FGF1: variants seen among roughly 807,000 people sequenced by gnomAD.
FGF1 encodes the protein fibroblast growth factor 1.
In FGF1, 9 loss-of-function variants were observed where a neutral mutation model predicts 13.4. The ratio of observed to expected loss-of-function variants is 0.67; its 90% CI spans 0.40 to 1.17. The LOEUF is 1.17. Among genes scored for constraint, FGF1 ranks in the 50% most tolerant of loss-of-function variants. The pLI is 0.01. For missense variants in FGF1, 156 were observed against 192.7 expected, an observed-to-expected ratio of 0.81 and a Z score of 1.13; for synonymous variants, 93 against 79.0, an observed-to-expected ratio of 1.18 and a Z score of -0.94.
chr5:142,619,937 G>A (rs1225194247), intron 1 of FGF1, among the ~76,000 whole-genome samples: 27 of 151,058 alleles, frequency 1.8e-4, no homozygotes, highest in Admixed American at 1.8e-3. Context: ...TCAGAATTAG[G>A]TGGCCAAAAT....
chr5:142,592,635 T>C lies in FGF1; in HGVS notation c.*2655A>G, dbSNP rs912816231. ...GTCCCCAGGTTAATAAACTAGAGCA[T>C]GTTCAAAACAGAGCAGGGAACTACC... is the stretch of plus-strand genomic sequence containing the variant. On this transcript the variant is annotated 3_prime_UTR_variant, in exon 4 of 4. Transcript: ENST00000337706. 5.1e-6 allele frequency: 2 copies of C among 393,952 alleles called. No homozygotes were observed. The highest frequency in any genetic ancestry group is 8.8e-5 in the Admixed American group (2 of 22,616). 24.4% of individuals were successfully genotyped at this position (393,952 alleles called of 1,614,324 possible).
chr5:142,601,053 C>T, intron 2 of FGF1: 4 of 605,090 alleles, frequency 6.6e-6, no homozygotes, highest in South Asian at 5.9e-5. Context: ...ACCTACCTGT[C>T]CACCCTGTTG....
At chr5:142,671,928 A>G (rs1771536223) in intron 1 of FGF1, 2 of 152,158 alleles carry the variant, frequency 1.3e-5, no homozygotes, top group African/African-American at 2.4e-5. Flanking sequence ...GTAGGAATGG[A>G]ATTTAAACCC....
intron 1 of FGF1, among the ~76,000 whole-genome samples, chr5:142,650,143 G>A (rs149777266): frequency 1.3e-5 from 2 of 152,324 alleles, no homozygotes; most frequent in Admixed American, 1.3e-4. Context: ...ATAGACAGAT[G>A]TTTCCTCTGA....
chr5:142,664,703 C>A (rs1769969697), intron 1 of FGF1, among the ~76,000 whole-genome samples: 1 of 152,178 alleles, frequency 6.6e-6, no homozygotes. Context: ...ATTCATGACA[C>A]CGTCGATGTC....
At chr5:142,668,196 C>A (rs185129671) in intron 1 of FGF1, among the ~76,000 whole-genome samples, 2 of 152,386 alleles carry the variant, frequency 1.3e-5, no homozygotes, top group African/African-American at 4.8e-5. Flanking sequence ...TTGCTTCAGG[C>A]ACCTGGTCCA....
At chr5:142,654,112 G>C (rs1767741269) in intron 1 of FGF1, among the ~76,000 whole-genome samples, 1 of 152,162 alleles carries the variant, frequency 6.6e-6, no homozygotes, top group Non-Finnish European at 1.5e-5. Flanking sequence ...GTTCCACCTT[G>C]TATGTAATTC....
At chr5:142,621,693 C>G (rs1339710215) in intron 1 of FGF1, among the ~76,000 whole-genome samples, 1 of 152,106 alleles carries the variant, frequency 6.6e-6, no homozygotes, top group Non-Finnish European at 1.5e-5. Flanking sequence ...GGGACAAAAA[C>G]AAAAGCCTTG....
intron 1 of FGF1, among the ~76,000 whole-genome samples, chr5:142,626,012 A>T (rs10069453): frequency 6.6e-6 from 1 of 152,166 alleles, no homozygotes; most frequent in African/African-American, 2.4e-5. Context: ...GTTACTCAAT[A>T]GCCGACTCTG....
At chr5:142,628,453 T>C (rs1431530441) in intron 1 of FGF1, among the ~76,000 whole-genome samples, 1 of 152,194 alleles carries the variant, frequency 6.6e-6, no homozygotes, top group Non-Finnish European at 1.5e-5. Context: ...GAGGTTGCAG[T>C]GAGCCGAGAT....
chr5:142,647,248 C>T (rs1766333417), intron 1 of FGF1, among the ~76,000 whole-genome samples: 1 of 152,244 alleles, frequency 6.6e-6, no homozygotes, highest in Non-Finnish European at 1.5e-5. Flanking sequence ...CCAGGAAAGA[C>T]TGAAGTTAAC....
chr5:142,667,304 A>G (rs936817902), intron 1 of FGF1, among the ~76,000 whole-genome samples: 1 of 150,710 alleles, frequency 6.6e-6, no homozygotes, highest in Middle Eastern at 3.2e-3. Flanking sequence ...AGAAAGAAAC[A>G]GGCCGGGCGC....
chr5:142,627,143 G>A (rs1762591014), intron 1 of FGF1: 1 of 152,238 alleles, frequency 6.6e-6, no homozygotes, highest in Non-Finnish European at 1.5e-5. Context: ...TTTGATAGCA[G>A]TTGGGGTTTC....
chr5:142,618,921 GTTGTTTTGTT>G (rs1326099173), intron 1 of FGF1, among the ~76,000 whole-genome samples: 6,018 of 108,030 alleles, frequency 0.056, 295 homozygotes, highest in Non-Finnish European at 0.06. Flanking sequence ...TTATTTTTTA[GTTGTTTTGTT>G]TTTTTTTTTT....
intron 1 of FGF1, among the ~76,000 whole-genome samples, chr5:142,669,545 C>T (rs1771046582): frequency 6.6e-6 from 1 of 151,846 alleles, no homozygotes; most frequent in East Asian, 2.0e-4. Context: ...AAGGAGTAAT[C>T]AGAGGTGACT....
At chr5:142,655,264 C>G (rs1397168562) in intron 1 of FGF1, among the ~76,000 whole-genome samples, 1 of 152,150 alleles carries the variant, frequency 6.6e-6, no homozygotes. Flanking sequence ...AAGCATTTTG[C>G]AATATTAACA....
upstream of FGF1, among the ~76,000 whole-genome samples, chr5:142,690,275 C>A (rs1751975303): frequency 1.3e-5 from 2 of 152,008 alleles, no homozygotes; most frequent in African/African-American, 4.8e-5. Context: ...GGAGGCGGAG[C>A]TTGCAGTGAG....
intron 2 of FGF1, among the ~76,000 whole-genome samples, chr5:142,691,908 T>C (rs1752289212): frequency 6.6e-6 from 1 of 152,214 alleles, no homozygotes; most frequent in African/African-American, 2.4e-5. Flanking sequence ...CAGTTTATCA[T>C]TTATTTATAT....
intron 1 of FGF1, among the ~76,000 whole-genome samples, chr5:142,658,496 A>G (rs975112001): frequency 2.6e-4 from 39 of 152,262 alleles, no homozygotes; most frequent in African/African-American, 7.0e-4. Context: ...TTTTCATTCA[A>G]TCAACAAACT....
Sources: gnomAD v4.1 joint callset for allele counts (sites outside exome capture counted in the v4.1 genomes callset) on GRCh38, gnomAD v4.1.1 for gene constraint, MANE v1.5 for transcripts, NCBI Gene and HGNC (gene_info 2026-07-23, HGNC 2026-07-21) for gene names.